The following ITGA11 variants were observed in gnomAD, a reference collection of about 807,000 sequenced individuals.
ITGA11 encodes integrin alpha-11.
A neutral mutation model predicts 141.9 loss-of-function variants in ITGA11; 97 were observed. The observed-to-expected ratio is 0.68, with a 90% CI of 0.58 to 0.81. The LOEUF (loss-of-function observed/expected upper bound fraction) is 0.81, where lower values mean the gene tolerates loss of function less well. ITGA11 is among the 30% of genes least tolerant of loss of function. The probability of loss-of-function intolerance (pLI) is 0.00; values close to 1 mark genes in which losing one functional copy is unlikely to be tolerated. For synonymous variants in ITGA11, 658 were observed against 624.6 expected, an observed-to-expected ratio of 1.05 and a Z score of -0.80; for missense variants, 1,387 against 1,559.2, an observed-to-expected ratio of 0.89 and a Z score of 1.86.
chr15:68,347,501 A>G (rs551006180), intron 10 of ITGA11, among the ~76,000 whole-genome samples: 3 of 152,336 alleles, frequency 2.0e-5, no homozygotes, highest in African/African-American at 7.2e-5. Context: ...CTGTTATTCA[A>G]GACAGTGGGC....
intron 2 of ITGA11, among the ~76,000 whole-genome samples, chr15:68,369,713 T>G (rs1895529386): frequency 1.3e-5 from 2 of 152,260 alleles, no homozygotes; most frequent in African/African-American, 4.8e-5. Flanking sequence ...CATCTGTCAT[T>G]ACCTGAAAGG....
chr15:68,305,304 C>G lies in ITGA11; in HGVS notation c.3382-1419G>C, dbSNP rs938787339. Among the ~76,000 whole-genome samples, 1 of 152,256 alleles carries G rather than the reference C, an allele frequency of 6.6e-6. No homozygotes were observed. Among genetic ancestry groups the G allele is most frequent in the African/African-American group, 2.4e-5 (1 of 41,464 alleles). ...ACTTTATTGGAGAGGCTTTTCCCAA[C>G]TCCCCTGTATAAAACAGCACCCCCT... On this transcript the variant is annotated intron_variant, in intron 28 of 29. Coordinates refer to ENST00000315757, the MANE Select transcript of ITGA11 (RefSeq NM_001004439.2). This position sits in a 1 kb window ranked among gnomAD's most constrained non-coding sequence, Gnocchi z 4.6.
At chr15:68,430,547 G>A (rs1897245184) in intron 1 of ITGA11, among the ~76,000 whole-genome samples, 1 of 152,164 alleles carries the variant, frequency 6.6e-6, no homozygotes, top group Non-Finnish European at 1.5e-5. Flanking sequence ...CCAAGGTTCT[G>A]ATGCAGCCAC....
At chr15:68,415,462 A>G (rs1896866663) in intron 1 of ITGA11, among the ~76,000 whole-genome samples, 1 of 152,198 alleles carries the variant, frequency 6.6e-6, no homozygotes, top group African/African-American at 2.4e-5. Flanking sequence ...CTTCTGTGGA[A>G]AAGCATCATC....
At chr15:68,315,836 G>C in intron 21 of ITGA11, 109 bp from the exon 22 acceptor site, 1 of 870,014 alleles carries the variant, frequency 1.1e-6, no homozygotes, top group Non-Finnish European at 1.8e-6. Flanking sequence ...GAGCTTGCTG[G>C]GGGTTGGGGA....
intron 7 of ITGA11, among the ~76,000 whole-genome samples, chr15:68,352,224 C>T (rs2140333902): frequency 6.6e-6 from 1 of 150,914 alleles, no homozygotes; most frequent in East Asian, 2.0e-4. Flanking sequence ...ACAGAGTCTC[C>T]CTCTGTTGCC....
At chr15:68,388,739 C>G (rs1208900598) in intron 2 of ITGA11, among the ~76,000 whole-genome samples, 1 of 152,204 alleles carries the variant, frequency 6.6e-6, no homozygotes, top group Non-Finnish European at 1.5e-5. Flanking sequence ...AGCCTTCCCA[C>G]TTGACTCCTC....
At position 68,335,458 on chromosome 15, in the gene ITGA11, C is replaced by G. The variant is rs76575969; in HGVS notation, c.1425+239G>C. On this transcript the variant is annotated intron_variant, in intron 12 of 29. Coordinates refer to ENST00000315757, the MANE Select transcript of ITGA11 (RefSeq NM_001004439.2). This position sits in a 1 kb window ranked among gnomAD's most constrained non-coding sequence, Gnocchi z 4.9. ...GGGGCAATGGCATTGGCAGCCTTCC[C>G]ATTCCTCATTGCTTCCATTCCAGGA... Among the ~76,000 whole-genome samples the G allele has an allele frequency of 0.015, 2,299 of 152,326 alleles. 54 individuals carry two copies. The highest frequency in any genetic ancestry group is 0.053 in the African/African-American group (2,184 of 41,570).
rs956945924 is a variant in ITGA11, at chr15:68,326,517, C to T, written c.2211+137G>A. ...GGTGGGAATGTGGAGTGGCCAAGGTCAGGGTACACTGTCCCTGGCTGGCTT... is the reference window on the plus strand; with the variant it reads ...GGTGGGAATGTGGAGTGGCCAAGGTTAGGGTACACTGTCCCTGGCTGGCTT... On this transcript the variant is annotated intron_variant, in intron 17 of 29. Transcript: ENST00000315757. This position sits in a 1 kb window ranked among gnomAD's most constrained non-coding sequence, Gnocchi z 6.8. The T allele has an allele frequency of 1.6e-5, 14 of 893,504 alleles. No homozygotes were observed. In the Admixed American group the frequency reaches 3.0e-4, roughly 19 times the overall value. 55.3% of individuals were successfully genotyped at this position (893,504 alleles called of 1,614,324 possible). A position where few individuals can be genotyped will look rare whatever the true frequency, so the allele number is the denominator to read the frequency against.
chr15:68,370,396 G>C (rs1483039670), intron 2 of ITGA11, among the ~76,000 whole-genome samples: 3 of 152,162 alleles, frequency 2.0e-5, no homozygotes, highest in African/African-American at 7.2e-5. Context: ...TTCTACCTCA[G>C]ACTGGAGGGT....
At chr15:68,376,918 G>T (rs1335491923) in intron 2 of ITGA11, among the ~76,000 whole-genome samples, 1 of 152,192 alleles carries the variant, frequency 6.6e-6, no homozygotes, top group East Asian at 1.9e-4. Context: ...GGAATCTGCA[G>T]ATCCTCTGGG....
intron 2 of ITGA11, among the ~76,000 whole-genome samples, chr15:68,390,657 G>A (rs1896097524): frequency 6.6e-6 from 1 of 152,200 alleles, no homozygotes; most frequent in Non-Finnish European, 1.5e-5. Context: ...GGGTCAGAGG[G>A]AGCCTCTCAA....
Position 68,307,687 on chromosome 15 carries a change from T to C in ITGA11, c.3184A>G (p.Asn1062Asp). Residue 1062 changes from asparagine to aspartate, a missense_variant, in exon 27 of 30, where the codon AAC (asparagine) becomes GAC (aspartate). Physicochemically the swap from Asn to Asp is conservative, Grantham distance 23. Coordinates refer to ENST00000315757, the MANE Select transcript of ITGA11 (RefSeq NM_001004439.2). The surrounding 1 kb of genome is among the most constrained non-coding windows in gnomAD (Gnocchi z 6.1). ...CAGTTGATGGAGACGACATCAGAGTTGCTGTGATTCTGAAAGAGAAGATGG... is the reference window on the plus strand; with the variant it reads ...CAGTTGATGGAGACGACATCAGAGTCGCTGTGATTCTGAAAGAGAAGATGG... ...LRRAPQLNHS[N>D]SDVVSINCNI... 3.1e-6 allele frequency: 5 copies of C among 1,612,556 alleles called. No individual in the cohort carries two copies. Among genetic ancestry groups the C allele is most frequent in the Non-Finnish European group, 4.2e-6 (5 of 1,178,750 alleles).
intron 2 of ITGA11, among the ~76,000 whole-genome samples, chr15:68,379,155 G>A (rs1023297585): frequency 7.2e-5 from 11 of 152,160 alleles, no homozygotes; most frequent in South Asian, 2.1e-4. Context: ...TCGTCTATCC[G>A]TTTCTCAACA....
chr15:68,325,207 G>A lies in ITGA11; in HGVS notation c.2246C>T (p.Ser749Leu). 1 of 1,613,980 alleles carries A rather than the reference G, an allele frequency of 6.2e-7. No individual in the cohort carries two copies. The highest frequency in any genetic ancestry group is 8.5e-7 in the Non-Finnish European group (1 of 1,179,858). ...AGGGTCCTCCAGGGAATACTCGACT[G>A]AGAAGGTCACTGGCTTCACGTAGTC... is the stretch of plus-strand genomic sequence containing the variant. ...TADYVKPVTF[S>L]VEYSLEDPDH... Residue 749 changes from serine (S) to leucine (L), a missense_variant, in exon 18 of 30, where the codon TCA becomes TTA. Ser to Leu is a moderately radical substitution (Grantham distance 145). Transcript: ENST00000315757. The surrounding 1 kb of genome is among the most constrained non-coding windows in gnomAD (Gnocchi z 5.5).
chr15:68,400,698 TTATATAATAAATATTATATA>T (rs1333290904), intron 2 of ITGA11, among the ~76,000 whole-genome samples: 1 of 34,948 alleles, frequency 2.9e-5, no homozygotes. Flanking sequence ...ATATTATATA[TTATATAATAAATATTATATA>T]TTATATAATA....
At chr15:68,312,948 G>A in intron 23 of ITGA11, 85 bp from the exon 24 acceptor site, 2 of 1,000,944 alleles carry the variant, frequency 2.0e-6, no homozygotes, top group Non-Finnish European at 3.1e-6. Flanking sequence ...GAGGGCATGT[G>A]CCGGCCTCCC....
At chr15:68,422,621 A>G (rs1208025152) in intron 1 of ITGA11, among the ~76,000 whole-genome samples, 1 of 152,012 alleles carries the variant, frequency 6.6e-6, no homozygotes, top group Non-Finnish European at 1.5e-5. Flanking sequence ...CATGGCTCCC[A>G]TCTGCTAAAT....
chr15:68,315,786 C>T (rs1893553150), intron 21 of ITGA11, 59 bp from the exon 22 acceptor site: 2 of 1,360,144 alleles, frequency 1.5e-6, no homozygotes, highest in Non-Finnish European at 2.0e-6. Context: ...CCACTCCCCA[C>T]AGCCCACTCC....
Sources: allele counts gnomAD v4.1 joint callset (sites outside exome capture counted in the v4.1 genomes callset), GRCh38; gene constraint gnomAD v4.1.1; non-coding constraint Gnocchi (gnomAD v3.1); transcripts MANE v1.5; gene names NCBI Gene and HGNC (gene_info 2026-07-23, HGNC 2026-07-21).